Variants in PRKAR2B observed in about 807,000 individuals in gnomAD.
The protein encoded by PRKAR2B is cAMP-dependent protein kinase type II-beta regulatory subunit.
A neutral mutation model predicts 49.9 loss-of-function variants in PRKAR2B; 14 were observed. That is an observed-to-expected ratio of 0.28 (90% confidence interval 0.19 to 0.44). The LOEUF (loss-of-function observed/expected upper bound fraction) is 0.44. PRKAR2B is among the 20% of genes least tolerant of loss of function. The pLI, the probability that PRKAR2B is intolerant of heterozygous loss-of-function variation, is 1.00. For missense variants in PRKAR2B, 393 were observed against 537.9 expected (o/e 0.73, Z 2.67); for synonymous variants, 196 against 197.7 (o/e 0.99, Z 0.07).
At chr7:107,111,505 C>T (rs544476803) in intron 2 of PRKAR2B, among the ~76,000 whole-genome samples, 2 of 152,302 alleles carry the variant, frequency 1.3e-5, no homozygotes, top group East Asian at 3.9e-4. Context: ...GTGGTGGTCA[C>T]ATCTCCAGGC....
intron 2 of PRKAR2B, among the ~76,000 whole-genome samples, chr7:107,100,661 A>C (rs1794941857): frequency 6.6e-6 from 1 of 152,130 alleles, no homozygotes; most frequent in African/African-American, 2.4e-5. Context: ...GATATCTACG[A>C]CTGTCTATTT....
At chr7:107,063,012 GT>G (rs1226102087) in intron 1 of PRKAR2B, among the ~76,000 whole-genome samples, 1 of 150,640 alleles carries the variant, frequency 6.6e-6, no homozygotes, top group Non-Finnish European at 1.5e-5. Context: ...AACATTTGCT[GT>G]TTTTTTTTGA....
At chr7:107,140,736 T>A (rs1795776776) in intron 4 of PRKAR2B, 111 bp from the exon 5 acceptor site, 1 of 679,716 alleles carries the variant, frequency 1.5e-6, no homozygotes, top group African/African-American at 1.8e-5. Flanking sequence ...TAGTGGTAGT[T>A]ATGATTATTT....
chr7:107,141,556 G>T (rs1795790700), intron 5 of PRKAR2B, among the ~76,000 whole-genome samples: 1 of 152,126 alleles, frequency 6.6e-6, no homozygotes, highest in Non-Finnish European at 1.5e-5. Flanking sequence ...GCCAGGTGTG[G>T]TGGTGCACAC....
intron 4 of PRKAR2B, among the ~76,000 whole-genome samples, chr7:107,133,998 A>G (rs1052980301): frequency 7.9e-5 from 12 of 152,040 alleles, no homozygotes; most frequent in African/African-American, 2.9e-4. Context: ...TGGTGGCAGC[A>G]GAATAGACAT....
intron 2 of PRKAR2B, among the ~76,000 whole-genome samples, chr7:107,105,983 G>A (rs57996188): frequency 6.6e-6 from 1 of 152,084 alleles, no homozygotes; most frequent in Non-Finnish European, 1.5e-5. Flanking sequence ...TAGCTCATGG[G>A]GGGTTGAGGT....
chr7:107,106,855 G>A (rs908890813), intron 2 of PRKAR2B, among the ~76,000 whole-genome samples: 7 of 152,096 alleles, frequency 4.6e-5, no homozygotes, highest in Non-Finnish European at 1.0e-4. Context: ...GCTAGAAGGA[G>A]ATAATCTAGG....
chr7:107,057,841 A>T (rs370086943), intron 1 of PRKAR2B, among the ~76,000 whole-genome samples: 10 of 152,126 alleles, frequency 6.6e-5, no homozygotes, highest in Admixed American at 2.0e-4. Context: ...ACGACAGTTT[A>T]AAAAAAATGA....
At chr7:107,115,469 A>G (rs914949772) in intron 2 of PRKAR2B, among the ~76,000 whole-genome samples, 2 of 152,258 alleles carry the variant, frequency 1.3e-5, no homozygotes, top group Admixed American at 1.3e-4. Flanking sequence ...TAGTAACTTA[A>G]TATTTTGATG....
At chr7:107,090,265 T>G (rs1380676609) in intron 2 of PRKAR2B, among the ~76,000 whole-genome samples, 1 of 152,174 alleles carries the variant, frequency 6.6e-6, no homozygotes, top group Non-Finnish European at 1.5e-5. Context: ...GATTCTCTCT[T>G]GCGGCCAGCT....
chr7:107,092,542 G>A (rs898407139), intron 2 of PRKAR2B, among the ~76,000 whole-genome samples: 2 of 151,958 alleles, frequency 1.3e-5, no homozygotes, highest in African/African-American at 4.8e-5. Flanking sequence ...GCTATTGCCT[G>A]TATATTATAT....
chr7:107,092,376 C>T (rs1244100631), intron 2 of PRKAR2B, among the ~76,000 whole-genome samples: 1 of 151,566 alleles, frequency 6.6e-6, no homozygotes, highest in African/African-American at 2.4e-5. Flanking sequence ...TCTTTATAGT[C>T]CTACCTATTC....
intron 2 of PRKAR2B, among the ~76,000 whole-genome samples, chr7:107,110,021 G>A (rs1795144043): frequency 6.6e-6 from 1 of 152,218 alleles, no homozygotes; most frequent in Admixed American, 6.5e-5. Context: ...GAGGGTAGGA[G>A]ACAGTCTTGG....
rs1358994922 is a variant in PRKAR2B, at chr7:107,070,326, AT to A, written c.343+12del. The A allele has an allele frequency of 6.3e-7, 1 of 1,595,880 alleles. No homozygotes were observed. Among genetic ancestry groups the A allele is most frequent in the Non-Finnish European group, 8.6e-7 (1 of 1,165,924 alleles). On this transcript the variant is annotated intron_variant, in intron 2 of 10. Transcript: ENST00000265717. ...ACAAGGCGTGCCTCAGGTAAGTCTG[AT>A]TATATTATGGATTTTGTTTATTAAT... is the stretch of plus-strand genomic sequence containing the variant.
chr7:107,121,334 A>G (rs10281856), intron 2 of PRKAR2B, among the ~76,000 whole-genome samples: 79,623 of 151,938 alleles, frequency 0.52, 22,316 homozygotes, highest in South Asian at 0.63. Flanking sequence ...TATTAGAGAA[A>G]TAGTTATTTA....
intron 8 of PRKAR2B, among the ~76,000 whole-genome samples, chr7:107,155,730 A>G (rs1343348506): frequency 3.3e-5 from 5 of 151,952 alleles, no homozygotes; most frequent in Non-Finnish European, 7.4e-5. Context: ...CAGAAATACC[A>G]TTTGACCCAG....
In PRKAR2B at chr7:107,146,345, G is replaced by A; in HGVS notation, c.625G>A (p.Gly209Arg). 1 of 1,614,168 alleles carries A rather than the reference G, an allele frequency of 6.2e-7. No homozygotes were observed. The highest frequency in any genetic ancestry group is 8.5e-7 in the Non-Finnish European group (1 of 1,180,006). The change falls in exon 6 of 11, where the codon GGA becomes AGA. Residue 209 changes from glycine (G) to arginine (R), a missense_variant. Physicochemically the swap from Gly to Arg is moderately radical, Grantham distance 125. This residue lies in a region of PRKAR2B where 233 missense variants were observed against 390.4 expected (regional missense o/e 0.60). Coordinates refer to ENST00000265717, the MANE Select transcript of PRKAR2B (RefSeq NM_002736.3). ...TATTTATGTGAAATGTGATGGTGTT[G>A]GAAGATGTGTTGGTAACTATGATAA... is the stretch of plus-strand genomic sequence containing the variant. ...FDIYVKCDGV[G>R]RCVGNYDNRG...
At chr7:107,110,467 C>T (rs913296055) in intron 2 of PRKAR2B, among the ~76,000 whole-genome samples, 1 of 151,924 alleles carries the variant, frequency 6.6e-6, no homozygotes, top group East Asian at 1.9e-4. Flanking sequence ...CTTTCCACAA[C>T]CCCAGGCTTC....
At chr7:107,090,944 T>G (rs551229530) in intron 2 of PRKAR2B, among the ~76,000 whole-genome samples, 1 of 152,286 alleles carries the variant, frequency 6.6e-6, no homozygotes, top group Admixed American at 6.5e-5. Flanking sequence ...AAAAAAGAAA[T>G]AATACTTTAC....
Sources: allele counts gnomAD v4.1 joint callset (sites outside exome capture counted in the v4.1 genomes callset), GRCh38; gene constraint gnomAD v4.1.1; regional missense constraint gnomAD v4.1.1; transcripts MANE v1.5; gene names NCBI Gene and HGNC (gene_info 2026-07-23, HGNC 2026-07-21).